Variants in DIAPH3 observed in about 807,000 individuals in gnomAD.
DIAPH3 encodes protein diaphanous homolog 3.
A neutral mutation model predicts 144.3 loss-of-function variants in DIAPH3; 117 were observed. The observed-to-expected ratio is 0.81, with a 90% confidence interval of 0.70 to 0.95. DIAPH3 has a LOEUF of 0.95. Ranked by LOEUF, DIAPH3 falls within the 40% of genes least tolerant of loss-of-function variation. DIAPH3 has a pLI of 0.00. For missense variants in DIAPH3, 1,421 were observed against 1,412.7 expected (o/e 1.01, Z -0.09); for synonymous variants, 519 against 488.9 (o/e 1.06, Z -0.81).
chr13:59,850,610 G>T (rs1464062496), intron 22 of DIAPH3, among the ~76,000 whole-genome samples: 5 of 150,964 alleles, frequency 3.3e-5, no homozygotes, highest in Non-Finnish European at 7.4e-5. Context: ...CTGTTTATAT[G>T]CTGGATTACA....
At chr13:60,162,803 TCTCTCTCACACACACA>T (rs1272777846) in intron 1 of DIAPH3, among the ~76,000 whole-genome samples, 3 of 138,444 alleles carry the variant, frequency 2.2e-5, no homozygotes, top group Non-Finnish European at 4.7e-5. Flanking sequence ...TCTCTCTCTC[TCTCTCTCACACACACA>T]CACACACACA....
intron 4 of DIAPH3, among the ~76,000 whole-genome samples, chr13:60,045,686 G>A (rs1566707019): frequency 6.6e-6 from 1 of 152,192 alleles, no homozygotes; most frequent in Non-Finnish European, 1.5e-5. Flanking sequence ...AAATACAGCA[G>A]TGGAGGTTAA....
intron 25 of DIAPH3, among the ~76,000 whole-genome samples, chr13:59,777,887 C>T (rs1211730450): frequency 6.6e-6 from 1 of 152,030 alleles, no homozygotes; most frequent in East Asian, 1.9e-4. Flanking sequence ...ATAGAGGAGT[C>T]CCTGATTAAC....
chr13:60,012,891 G>A, intron 7 of DIAPH3: 1 of 644,988 alleles, frequency 1.6e-6, no homozygotes, highest in Non-Finnish European at 1.9e-6. Flanking sequence ...ATGCAAAAAT[G>A]TGTCACACTC....
chr13:59,856,727 T>A (rs1273209241), intron 22 of DIAPH3, among the ~76,000 whole-genome samples: 3 of 152,168 alleles, frequency 2.0e-5, no homozygotes, highest in Non-Finnish European at 1.5e-5. Context: ...AACATAGGAA[T>A]TTATGAGGGA....
intron 9 of DIAPH3, among the ~76,000 whole-genome samples, chr13:60,007,474 A>T (rs763951494): frequency 4.1e-4 from 62 of 151,586 alleles, no homozygotes; most frequent in Non-Finnish European, 8.0e-4. Flanking sequence ...CAGAACCTTT[A>T]AAAAAAAACT....
At chr13:59,829,495 T>C (rs1194795168) in intron 24 of DIAPH3, among the ~76,000 whole-genome samples, 1 of 151,860 alleles carries the variant, frequency 6.6e-6, no homozygotes, top group African/African-American at 2.4e-5. Flanking sequence ...TGTTTCCTCA[T>C]CTGAAAAATG....
At chr13:59,705,441 C>T (rs973682178) in intron 27 of DIAPH3, among the ~76,000 whole-genome samples, 4 of 152,120 alleles carry the variant, frequency 2.6e-5, no homozygotes, top group Non-Finnish European at 4.4e-5. Flanking sequence ...AAAAATTTTT[C>T]CCCCTGAAAG....
intron 23 of DIAPH3, among the ~76,000 whole-genome samples, chr13:59,836,712 C>T (rs543365362): frequency 4.0e-5 from 6 of 151,866 alleles, no homozygotes; most frequent in Non-Finnish European, 8.8e-5. Context: ...TATTTAAGTA[C>T]GTACTTGTAA....
intron 4 of DIAPH3, among the ~76,000 whole-genome samples, chr13:60,070,118 A>T (rs1160360563): frequency 6.6e-6 from 1 of 151,980 alleles, no homozygotes; most frequent in Non-Finnish European, 1.5e-5. Flanking sequence ...CGAGCATGGG[A>T]TATGTTTCCA....
rs2053164778 is a variant in DIAPH3 at position 60,010,451 on chromosome 13, CTA to C, written c.908+80_908+81del. The C allele has an allele frequency of 1.1e-5, 15 of 1,365,382 alleles. No individual in the cohort carries two copies. The South Asian group carries it at 1.8e-4, about 17-fold the overall frequency. 84.6% of individuals were successfully genotyped at this position (1,365,382 alleles called of 1,614,324 possible). ...TATTTAAATTCTAGTAAATTCTAGC[CTA>C]GAGTAGATAATGAAACATTAAATGA... On this transcript the variant is annotated intron_variant, in intron 8 of 27. Transcript: ENST00000400324.
chr13:59,772,127 GA>G (rs1042786358), intron 27 of DIAPH3, among the ~76,000 whole-genome samples: 1 of 151,868 alleles, frequency 6.6e-6, no homozygotes, highest in East Asian at 1.9e-4. Context: ...TATTTTCAAT[GA>G]AAAAAAGTAG....
chr13:60,040,216 G>C (rs1594468482), intron 5 of DIAPH3, among the ~76,000 whole-genome samples: 2 of 93,872 alleles, frequency 2.1e-5, no homozygotes, highest in East Asian at 3.5e-4. Flanking sequence ...AAAAGAGTGA[G>C]ACTCCATCTC....
rs977181585 is a variant in DIAPH3 at position 59,892,179 on chromosome 13, CATAG to C, written c.2368-12715_2368-12712del. The stretch of plus-strand genomic sequence containing the variant: ...TATAAATAAATGAAAAAGAGGGTAA[CATAG>C]ATAGAGAATGATGGGGGGCAGCATC... On this transcript the variant is annotated intron_variant, in intron 20 of 27. Transcript: ENST00000400324. 4.0e-5 allele frequency among the ~76,000 whole-genome samples: 6 copies of C among 151,780 alleles called. No homozygotes were observed. In the South Asian group the frequency reaches 1.2e-3, roughly 32 times the overall value.
intron 23 of DIAPH3, chr13:59,838,157 C>A (rs565386000): frequency 1.3e-5 from 2 of 152,172 alleles, no homozygotes; most frequent in South Asian, 2.1e-4. Flanking sequence ...ATACAGAATT[C>A]ATTTGTCCAT....
intron 4 of DIAPH3, among the ~76,000 whole-genome samples, chr13:60,077,650 A>G (rs73218515): frequency 0.043 from 6,563 of 152,234 alleles, 186 homozygotes; most frequent in East Asian, 0.1. Context: ...CCAGAGACCT[A>G]AAGTGCTGCA....
chr13:60,089,000 A>G (rs571629460), intron 4 of DIAPH3, among the ~76,000 whole-genome samples: 5 of 152,328 alleles, frequency 3.3e-5, no homozygotes, highest in South Asian at 2.1e-4. Context: ...ATTTAGATCA[A>G]TAAGAATCCT....
At position 59,807,703 on chromosome 13, in the gene DIAPH3, A is replaced by G. The variant is rs566838938; in HGVS notation, c.3163+3085T>C. 2.0e-4 allele frequency among the ~76,000 whole-genome samples: 31 copies of G among 152,132 alleles called. No homozygotes were observed. The East Asian group carries it at 5.0e-3, about 25-fold the overall frequency. ...CATTTACTTGAGGCCCACCGATGTT[A>G]ATTTGCAGACCATGTTTAGGAAGAG... On this transcript the variant is annotated intron_variant, in intron 25 of 27. Coordinates refer to ENST00000400324, the MANE Select transcript of DIAPH3 (RefSeq NM_001042517.2).
chr13:59,902,070 A>G (rs952827598), intron 20 of DIAPH3, among the ~76,000 whole-genome samples: 1 of 152,212 alleles, frequency 6.6e-6, no homozygotes, highest in Non-Finnish European at 1.5e-5. Context: ...TTTTCCATGA[A>G]TGTCACTATA....
Sources: allele counts gnomAD v4.1 joint callset (sites outside exome capture counted in the v4.1 genomes callset), GRCh38; gene constraint gnomAD v4.1.1; transcripts MANE v1.5; gene names NCBI Gene and HGNC (gene_info 2026-07-23, HGNC 2026-07-21).